Variants in EDIL3 observed in about 807,000 individuals in gnomAD.
EDIL3 encodes the protein EGF-like repeat and discoidin I-like domain-containing protein 3.
In EDIL3, 37 loss-of-function variants were observed where a neutral mutation model predicts 67.4. The observed-to-expected ratio is 0.55, with a 90% CI of 0.42 to 0.72. EDIL3 has a LOEUF of 0.72. Among genes scored for constraint, EDIL3 ranks in the 30% least tolerant of loss-of-function variants. The pLI, the probability that EDIL3 is intolerant of heterozygous loss-of-function variation, is 0.00. For synonymous variants in EDIL3, 195 were observed against 196.3 expected (o/e 0.99, Z 0.05); for missense variants, 527 against 586.3 (o/e 0.90, Z 1.04).
At chr5:84,240,929 C>T (rs1744781841) in intron 2 of EDIL3, among the ~76,000 whole-genome samples, 3 of 152,102 alleles carry the variant, frequency 2.0e-5, no homozygotes, top group African/African-American at 7.2e-5. Context: ...CCCATGTCTC[C>T]TGTTTTTCTA....
At chr5:84,216,314 A>G (rs1292245856) in intron 3 of EDIL3, among the ~76,000 whole-genome samples, 1 of 152,218 alleles carries the variant, frequency 6.6e-6, no homozygotes, top group Non-Finnish European at 1.5e-5. Flanking sequence ...TGATTCATAA[A>G]CTACTGTAGT....
chr5:84,090,683 C>T (rs1747149102), intron 6 of EDIL3, among the ~76,000 whole-genome samples: 1 of 152,102 alleles, frequency 6.6e-6, no homozygotes, highest in South Asian at 2.1e-4. Context: ...CATGGTGGCT[C>T]ATGCCTGTTA....
intron 9 of EDIL3, among the ~76,000 whole-genome samples, chr5:84,053,813 T>A (rs1043382612): frequency 1.3e-5 from 2 of 152,148 alleles, no homozygotes; most frequent in African/African-American, 4.8e-5. Flanking sequence ...GAGGCAAGAA[T>A]TAATAGCTTA....
intron 3 of EDIL3, among the ~76,000 whole-genome samples, chr5:84,185,221 G>A (rs1749088198): frequency 6.6e-6 from 1 of 152,014 alleles, no homozygotes; most frequent in South Asian, 2.1e-4. Context: ...GAAAATCTGT[G>A]TATTCATGTT....
intron 1 of EDIL3, among the ~76,000 whole-genome samples, chr5:84,326,903 A>G (rs1433642333): frequency 6.6e-6 from 1 of 151,064 alleles, no homozygotes; most frequent in Admixed American, 6.6e-5. Flanking sequence ...TTTTCATCTC[A>G]TTTTCTCTCT....
chr5:84,054,925 C>A (rs1257692782), intron 9 of EDIL3, among the ~76,000 whole-genome samples: 1 of 145,848 alleles, frequency 6.9e-6, no homozygotes, highest in East Asian at 2.0e-4. Context: ...CATCAAGCTA[C>A]CAATGACTTT....
chr5:84,371,105 T>C (rs966016714), intron 1 of EDIL3, among the ~76,000 whole-genome samples: 3 of 151,684 alleles, frequency 2.0e-5, no homozygotes, highest in East Asian at 1.9e-4. Flanking sequence ...TATATAACTA[T>C]GATTTTTGAA....
At chr5:84,340,109 A>T (rs1747071551) in intron 1 of EDIL3, among the ~76,000 whole-genome samples, 1 of 152,060 alleles carries the variant, frequency 6.6e-6, no homozygotes, top group Non-Finnish European at 1.5e-5. Context: ...TTATTCAAAT[A>T]TCATGGCATA....
intron 1 of EDIL3, among the ~76,000 whole-genome samples, chr5:84,311,697 G>A (rs1191638631): frequency 6.6e-6 from 1 of 152,114 alleles, no homozygotes; most frequent in African/African-American, 2.4e-5. Context: ...CTATGCAGAG[G>A]ACCCTGCGGC....
chr5:83,982,922 C>T (rs1025681981), intron 9 of EDIL3, among the ~76,000 whole-genome samples: 2 of 152,146 alleles, frequency 1.3e-5, no homozygotes, highest in African/African-American at 2.4e-5. Context: ...AGATGGGGCA[C>T]AAGTGGAAGC....
At position 84,319,697 on chromosome 5, in the gene EDIL3, C is replaced by A. The variant is rs138844102; in HGVS notation, c.67+64611G>T. 1.0e-3 allele frequency among the ~76,000 whole-genome samples: 156 copies of A among 152,168 alleles called. 1 individual carries two copies. The highest frequency in any genetic ancestry group is 3.5e-3 in the African/African-American group (147 of 41,514). On this transcript the variant is annotated intron_variant, in intron 1 of 10. Coordinates refer to ENST00000296591, the MANE Select transcript of EDIL3 (RefSeq NM_005711.5). Reference sequence around the variant, plus strand: ...ATCATTCTACTATAAAGACACATTGCACACATATGTTTACTGCAGCACTGT... The same window carrying A: ...ATCATTCTACTATAAAGACACATTGAACACATATGTTTACTGCAGCACTGT...
At chr5:84,175,168 G>A (rs342422) in intron 4 of EDIL3, among the ~76,000 whole-genome samples, 77,826 of 151,830 alleles carry the variant, frequency 0.51, 20,243 homozygotes, top group East Asian at 0.72. Context: ...TTGGCCTCTC[G>A]AACCTTGTGC....
In EDIL3 at chr5:84,136,625, G is replaced by A. The variant is rs148011640; in HGVS notation, c.469+616C>T. On this transcript the variant is annotated intron_variant, in intron 5 of 10. Transcript: ENST00000296591. ...AATAGTGTGCAACATTCTTGCTAGC[G>A]TGTGGGACGGCCCAAATGCATCCTC... Among the ~76,000 whole-genome samples the A allele has an allele frequency of 1.5e-3, 227 of 152,264 alleles. 3 individuals are homozygous for A. Among genetic ancestry groups the A allele is most frequent in the African/African-American group, 4.6e-3 (192 of 41,546 alleles).
chr5:84,088,037 G>A (rs563690537), intron 6 of EDIL3, among the ~76,000 whole-genome samples: 1 of 152,272 alleles, frequency 6.6e-6, no homozygotes, highest in South Asian at 2.1e-4. Context: ...ATAATTGCTT[G>A]TTGAATGAAA....
At chr5:84,026,181 G>A (rs1302111465) in intron 9 of EDIL3, among the ~76,000 whole-genome samples, 20 of 152,144 alleles carry the variant, frequency 1.3e-4, no homozygotes, top group Admixed American at 1.2e-3. Context: ...ATTTTAACAA[G>A]ATGTCCAGGT....
chr5:84,162,747 C>T (rs772190609), intron 4 of EDIL3, among the ~76,000 whole-genome samples: 1 of 152,078 alleles, frequency 6.6e-6, no homozygotes, highest in Non-Finnish European at 1.5e-5. Flanking sequence ...AGGAAATCCA[C>T]ACATATTCTT....
intron 4 of EDIL3, among the ~76,000 whole-genome samples, chr5:84,145,336 CA>C (rs1748273069): frequency 4.6e-5 from 7 of 152,032 alleles, no homozygotes; most frequent in Admixed American, 4.6e-4. Context: ...GAGAGCTGAG[CA>C]CTTTGAATTT....
rs185802141 is a variant in EDIL3 at position 84,019,390 on chromosome 5, T to C, written c.1137+40910A>G. 1.8e-3 allele frequency among the ~76,000 whole-genome samples: 272 copies of C among 151,102 alleles called. 1 individual carries two copies. The highest frequency in any genetic ancestry group is 6.3e-3 in the African/African-American group (261 of 41,214). On this transcript the variant is annotated intron_variant, in intron 9 of 10. Coordinates refer to ENST00000296591, the MANE Select transcript of EDIL3 (RefSeq NM_005711.5). ...AAGGGGAACATCACACTCAGGACTG[T>C]TGTGGGGTGGGGGGAGTGGGGAGGG... is the stretch of plus-strand genomic sequence containing the variant.
intron 3 of EDIL3, among the ~76,000 whole-genome samples, chr5:84,205,417 A>C (rs1743950571): frequency 6.6e-6 from 1 of 152,314 alleles, no homozygotes; most frequent in African/African-American, 2.4e-5. Context: ...TGTCATTGTG[A>C]AAGACTCTTT....
Sources: allele counts gnomAD v4.1 joint callset (sites outside exome capture counted in the v4.1 genomes callset), GRCh38; gene constraint gnomAD v4.1.1; transcripts MANE v1.5; gene names NCBI Gene and HGNC (gene_info 2026-07-23, HGNC 2026-07-21).